Variants in RBFOX1 observed in about 807,000 individuals in gnomAD.
RBFOX1 encodes the protein RNA binding protein fox-1 homolog 1.
RBFOX1 carries 8 observed loss-of-function variants against 57.7 expected under a neutral mutation model. The observed-to-expected ratio is 0.14, with a 90% CI of 0.08 to 0.25. RBFOX1 has a LOEUF of 0.25. Among genes scored for constraint, RBFOX1 ranks in the 10% least tolerant of loss-of-function variants. RBFOX1 has a pLI of 1.00. For synonymous variants in RBFOX1, 326 were observed against 222.4 expected, an observed-to-expected ratio of 1.47 and a Z score of -4.15; for missense variants, 611 against 548.5, an observed-to-expected ratio of 1.11 and a Z score of -1.14.
chr16:5,823,591 T>C (rs905313835), intron 3 of RBFOX1, among the ~76,000 whole-genome samples: 3 of 152,130 alleles, frequency 2.0e-5, no homozygotes, highest in Non-Finnish European at 4.4e-5. Context: ...TGAAGCTTCA[T>C]CTTTATTTAC....
chr16:6,842,056 T>C lies in RBFOX1; in HGVS notation c.-16+187406T>C, dbSNP rs1367432790. Among the ~76,000 whole-genome samples, 3 of 150,488 alleles carry C rather than the reference T, an allele frequency of 2.0e-5. No individual in the cohort carries two copies. In the East Asian group the frequency reaches 5.9e-4, roughly 30 times the overall value. On this transcript the variant is annotated intron_variant, in intron 3 of 15. Coordinates refer to ENST00000550418, the MANE Select transcript of RBFOX1 (RefSeq NM_018723.4). ...TACACGGGAGGCTGAGGGAGGAGAATGGCGTGAACCCGGGAGGCGGAACTT... is the reference window on the plus strand; with the variant it reads ...TACACGGGAGGCTGAGGGAGGAGAACGGCGTGAACCCGGGAGGCGGAACTT...
At chr16:5,664,233 G>A (rs528616288) in intron 3 of RBFOX1, among the ~76,000 whole-genome samples, 193 of 152,264 alleles carry the variant, frequency 1.3e-3, no homozygotes, top group African/African-American at 4.4e-3. Context: ...GCTGTGCAAC[G>A]GAGTCAGTTG....
At chr16:7,093,683 C>T (rs771675902) in intron 4 of RBFOX1, among the ~76,000 whole-genome samples, 1 of 152,128 alleles carries the variant, frequency 6.6e-6, no homozygotes, top group African/African-American at 2.4e-5. Flanking sequence ...CATGGCCTCC[C>T]CACTCACTGC....
intron 3 of RBFOX1, among the ~76,000 whole-genome samples, chr16:6,788,083 G>A (rs1190498808): frequency 6.6e-6 from 1 of 152,156 alleles, no homozygotes; most frequent in African/African-American, 2.4e-5. Context: ...TTTGGCAGGT[G>A]TGGTGGCGCA....
intron 4 of RBFOX1, among the ~76,000 whole-genome samples, chr16:7,118,370 A>G (rs1408717650): frequency 6.6e-6 from 1 of 151,798 alleles, no homozygotes. Context: ...TTTCTTGGCC[A>G]TTTGTTGGCT....
At chr16:6,385,440 A>G (rs917090217) in intron 2 of RBFOX1, among the ~76,000 whole-genome samples, 1 of 152,054 alleles carries the variant, frequency 6.6e-6, no homozygotes, top group Admixed American at 6.5e-5. Context: ...GCTCACTGCA[A>G]TCTCCTCCTC....
In RBFOX1 at chr16:5,530,933, T is replaced by TAAAAAAAAAAA. The variant is rs59311923; in HGVS notation, c.258+63711_258+63721dup. 5.1e-4 allele frequency among the ~76,000 whole-genome samples: 28 copies of TAAAAAAAAAAA among 55,040 alleles called. 3 individuals carry two copies. The highest frequency in any genetic ancestry group is 6.5e-4 in the Non-Finnish European group (21 of 32,064). The allele number at this position is 55,040 out of a possible 152,430, so 36.1% of individuals were successfully genotyped here. On this transcript the variant is annotated intron_variant, in intron 2 of 2. Coordinates refer to the RBFOX1 transcript ENST00000585867. Reference sequence around the variant, plus strand: ...CGAAACCCTGTCTCTACTAAAAATATAAAAAAAAAAAAAAAAAAAAAAAAA... The same window carrying TAAAAAAAAAAA: ...CGAAACCCTGTCTCTACTAAAAATATAAAAAAAAAAAAAAAAAAAAAAAAAAAAAAAAAAAA...
intron 1 of RBFOX1, among the ~76,000 whole-genome samples, chr16:5,277,777 C>A (rs574642985): frequency 6.6e-6 from 1 of 152,310 alleles, no homozygotes; most frequent in African/African-American, 2.4e-5. Context: ...TGGCCTAGTT[C>A]ACCTGACATT....
At chr16:6,617,780 T>C (rs1407859281) in intron 2 of RBFOX1, among the ~76,000 whole-genome samples, 2 of 151,992 alleles carry the variant, frequency 1.3e-5, no homozygotes, top group Non-Finnish European at 2.9e-5. Context: ...CAGTAGACAG[T>C]GGGGGATAAA....
At chr16:6,242,571 T>C (rs374970547) in intron 1 of RBFOX1, among the ~76,000 whole-genome samples, 8 of 151,124 alleles carry the variant, frequency 5.3e-5, no homozygotes, top group African/African-American at 1.9e-4. Context: ...TCATCACTTA[T>C]GCAACTCTCT....
At chr16:5,975,491 T>G (rs931413641) in intron 4 of RBFOX1, among the ~76,000 whole-genome samples, 3 of 152,150 alleles carry the variant, frequency 2.0e-5, no homozygotes, top group African/African-American at 7.2e-5. Context: ...ATACTTATGG[T>G]TTAGTATTGC....
At chr16:6,794,312 C>T (rs1395071159) in intron 3 of RBFOX1, among the ~76,000 whole-genome samples, 4 of 132,798 alleles carry the variant, frequency 3.0e-5, no homozygotes, top group African/African-American at 8.2e-5. Context: ...ACAATGAAGG[C>T]ATTCCAATCG....
intron 1 of RBFOX1, among the ~76,000 whole-genome samples, chr16:6,063,117 C>A (rs34315978): frequency 6.6e-6 from 1 of 151,896 alleles, no homozygotes; most frequent in African/African-American, 2.4e-5. Context: ...TTTGAGCAAA[C>A]AACGGGACAC....
At chr16:7,365,525 C>T (rs893020278) in intron 4 of RBFOX1, among the ~76,000 whole-genome samples, 9 of 152,342 alleles carry the variant, frequency 5.9e-5, no homozygotes, top group African/African-American at 1.2e-4. Context: ...TGTGTTAAGA[C>T]ATTTTTGGTT....
intron 3 of RBFOX1, among the ~76,000 whole-genome samples, chr16:5,689,783 C>G (rs974888557): frequency 1.4e-5 from 2 of 143,758 alleles, no homozygotes; most frequent in Non-Finnish European, 3.0e-5. Flanking sequence ...TTAGACCAAT[C>G]ATTTTAATAA....
intron 3 of RBFOX1, among the ~76,000 whole-genome samples, chr16:5,866,776 A>C (rs767898223): frequency 6.6e-6 from 1 of 152,232 alleles, no homozygotes; most frequent in Non-Finnish European, 1.5e-5. Flanking sequence ...CAAGGGTTTA[A>C]ATGAGATAAA....
intron 3 of RBFOX1, among the ~76,000 whole-genome samples, chr16:6,734,821 C>G (rs12929681): frequency 0.77 from 116,509 of 152,046 alleles, 46,018 homozygotes; most frequent in East Asian, 1. Flanking sequence ...AATCTAGATG[C>G]ATAAAGCAAA....
In RBFOX1 at chr16:7,107,647, C is replaced by T. The variant is rs2063847185; in HGVS notation, c.27+55549C>T. On this transcript the variant is annotated intron_variant, in intron 4 of 15. Coordinates refer to ENST00000550418, the MANE Select transcript of RBFOX1 (RefSeq NM_018723.4). ...CTTTCCGCTCCTCCCCTTCCACCCT[C>T]CCCAAAACAACCACCAATCCACTTT... Among the ~76,000 whole-genome samples, 3 of 152,098 alleles carry T rather than the reference C, an allele frequency of 2.0e-5. No individual in the cohort carries two copies. The South Asian group carries it at 6.2e-4, about 32-fold the overall frequency.
intron 2 of RBFOX1, among the ~76,000 whole-genome samples, chr16:6,612,594 G>A (rs1222878087): frequency 2.0e-5 from 3 of 152,178 alleles, no homozygotes; most frequent in African/African-American, 7.2e-5. Context: ...GGTCACACCT[G>A]TAATCCCAGC....
Sources: gnomAD v4.1 joint callset for allele counts (sites outside exome capture counted in the v4.1 genomes callset) on GRCh38, gnomAD v4.1.1 for gene constraint, MANE v1.5 for transcripts, NCBI Gene and HGNC (gene_info 2026-07-23, HGNC 2026-07-21) for gene names.